The following RASGEF1C variants were observed in gnomAD, a reference collection of about 807,000 sequenced individuals.
RASGEF1C encodes the protein RasGEF domain family member 1C.
RASGEF1C carries 27 observed loss-of-function variants against 58.1 expected under a neutral mutation model. That is an observed-to-expected ratio of 0.46 (90% confidence interval 0.34 to 0.64). The LOEUF is 0.64. RASGEF1C is among the 30% of genes least tolerant of loss of function. RASGEF1C has a pLI of 0.01. For missense variants in RASGEF1C, 502 were observed against 605.1 expected (o/e 0.83, Z 1.79); for synonymous variants, 243 against 246.3 (o/e 0.99, Z 0.13).
chr5:180,172,662 C>G (rs1377060858), intron 1 of RASGEF1C, among the ~76,000 whole-genome samples: 1 of 152,182 alleles, frequency 6.6e-6, no homozygotes, highest in African/African-American at 2.4e-5. Flanking sequence ...GGCTCCACCC[C>G]AGAGCTTCGG....
chr5:180,101,195 G>GT lies in RASGEF1C; in HGVS notation c.*305dup. The GT allele has an allele frequency of 2.2e-6, 1 of 454,768 alleles. No homozygotes were observed. 28.2% of individuals were successfully genotyped at this position (454,768 alleles called of 1,614,324 possible). Reference sequence around the variant, plus strand: ...TGCAGTGGTCCCACCCTCTGGGGCAGTGTTGTGTCCTTGCCGAGGATGGAC... The same window carrying GT: ...TGCAGTGGTCCCACCCTCTGGGGCAGTTGTTGTGTCCTTGCCGAGGATGGAC... On this transcript the variant is annotated 3_prime_UTR_variant, in exon 14 of 14. Transcript: ENST00000361132.
chr5:180,123,586 A>G (rs1019530957), intron 6 of RASGEF1C, among the ~76,000 whole-genome samples: 2 of 152,168 alleles, frequency 1.3e-5, no homozygotes, highest in Admixed American at 1.3e-4. Context: ...AAAGAAATCA[A>G]CCATCTTTCA....
intron 1 of RASGEF1C, among the ~76,000 whole-genome samples, chr5:180,170,786 G>A (rs957063322): frequency 6.6e-6 from 1 of 152,222 alleles, no homozygotes; most frequent in Non-Finnish European, 1.5e-5. Flanking sequence ...AGCCAAACAG[G>A]CTTCACAGGT....
chr5:180,159,935 G>A (rs1766912672), intron 1 of RASGEF1C, among the ~76,000 whole-genome samples: 1 of 152,202 alleles, frequency 6.6e-6, no homozygotes, highest in African/African-American at 2.4e-5. Flanking sequence ...GCCAACACGT[G>A]GGGGCAGGAA....
chr5:180,125,304 G>A lies in RASGEF1C; in HGVS notation c.714+2305C>T, dbSNP rs115773935. On this transcript the variant is annotated intron_variant, in intron 6 of 13. Transcript: ENST00000361132. ...CAACCATTCATGATGAGAATTCTGA[G>A]AAAACTAGGAAGGAACAGGATACTT... 2.1e-3 allele frequency among the ~76,000 whole-genome samples: 320 copies of A among 152,304 alleles called. 1 individual carries two copies. The highest frequency in any genetic ancestry group is 7.5e-3 in the African/African-American group (311 of 41,568).
In RASGEF1C at chr5:180,155,319, C is replaced by T. The variant is rs1766831947; in HGVS notation, c.-6-17261G>A. Among the ~76,000 whole-genome samples the T allele has an allele frequency of 6.6e-6, 1 of 152,186 alleles. No homozygotes were observed. The highest frequency in any genetic ancestry group is 1.5e-5 in the Non-Finnish European group (1 of 68,036). ...TGGAGCCTGGACACACATTTCATTTCCATTTGGGTCCCATGAAGGACTCCT... is the reference window on the plus strand; with the variant it reads ...TGGAGCCTGGACACACATTTCATTTTCATTTGGGTCCCATGAAGGACTCCT... On this transcript the variant is annotated intron_variant, in intron 1 of 13. Transcript: ENST00000361132. The surrounding 1 kb of genome is among the most constrained non-coding windows in gnomAD (Gnocchi z 5.2).
At chr5:180,132,627 C>T (rs1330950477) in intron 4 of RASGEF1C, among the ~76,000 whole-genome samples, 3 of 152,220 alleles carry the variant, frequency 2.0e-5, no homozygotes. Flanking sequence ...ACAGAGGGAG[C>T]CTCACAGGGC....
At chr5:180,109,986 A>AAACTCAT (rs1765931792) in intron 12 of RASGEF1C, among the ~76,000 whole-genome samples, 1 of 152,210 alleles carries the variant, frequency 6.6e-6, no homozygotes, top group African/African-American at 2.4e-5. Context: ...GTGTGTAAGG[A>AAACTCAT]TAAATCTGTG....
intron 1 of RASGEF1C, among the ~76,000 whole-genome samples, chr5:180,142,067 T>C (rs930673618): frequency 1.3e-5 from 2 of 152,188 alleles, no homozygotes; most frequent in African/African-American, 4.8e-5. Context: ...GCCTGAATGA[T>C]GCACGTGACA....
At chr5:180,172,518 TCCAGATGCTG>T (rs1216467934) in intron 1 of RASGEF1C, among the ~76,000 whole-genome samples, 1 of 152,060 alleles carries the variant, frequency 6.6e-6, no homozygotes, top group Non-Finnish European at 1.5e-5. Flanking sequence ...CACACTCCAC[TCCAGATGCTG>T]CCTGCCCGCC....
At chr5:180,106,453 G>C (rs1403113617) in intron 12 of RASGEF1C, among the ~76,000 whole-genome samples, 1 of 152,022 alleles carries the variant, frequency 6.6e-6, no homozygotes, top group African/African-American at 2.4e-5. Context: ...TCCTGCTTTA[G>C]CTGTCCTACA....
At chr5:180,138,323 G>T (rs1188634040) in intron 1 of RASGEF1C, 11 of 356,634 alleles carry the variant, frequency 3.1e-5, no homozygotes, top group Non-Finnish European at 5.0e-5. Flanking sequence ...CCACTCAGGG[G>T]CAGGCCTCTT....
At chr5:180,182,383 C>T (rs7712639) in intron 1 of RASGEF1C, among the ~76,000 whole-genome samples, 152,036 of 152,132 alleles carry the variant, frequency 1, 75,970 homozygotes, top group Middle Eastern at 1. Flanking sequence ...TTAAAGGTGG[C>T]GCGGACCCAA....
At chr5:180,128,376 T>C in intron 5 of RASGEF1C, 34 bp downstream of exon 5, 1 of 1,585,118 alleles carries the variant, frequency 6.3e-7, no homozygotes. Context: ...TCCTGCTGAA[T>C]CCCGGGTGAG....
intron 1 of RASGEF1C, among the ~76,000 whole-genome samples, chr5:180,145,716 C>G (rs971465942): frequency 6.6e-6 from 1 of 152,090 alleles, no homozygotes; most frequent in Non-Finnish European, 1.5e-5. Flanking sequence ...GTAATTACCC[C>G]ACCCCTGAGA....
intron 3 of RASGEF1C, 123 bp from the exon 4 acceptor site, chr5:180,136,638 G>C: frequency 9.6e-7 from 1 of 1,046,546 alleles, no homozygotes; most frequent in East Asian, 2.7e-5. Flanking sequence ...CTCTGTGCCA[G>C]GGAGGAGGAG....
chr5:180,152,625 A>G (rs1460423773), intron 1 of RASGEF1C, among the ~76,000 whole-genome samples: 2 of 150,556 alleles, frequency 1.3e-5, no homozygotes, highest in African/African-American at 2.5e-5. Context: ...ATGACGAGTT[A>G]ATGGGTGCAG....
chr5:180,123,011 CA>C (rs993366524), intron 6 of RASGEF1C, among the ~76,000 whole-genome samples: 1 of 151,912 alleles, frequency 6.6e-6, no homozygotes, highest in Admixed American at 6.6e-5. Flanking sequence ...ACACTCCAAA[CA>C]CAAGGATATA....
At chr5:180,105,288 C>T (rs937729148) in intron 12 of RASGEF1C, among the ~76,000 whole-genome samples, 16 of 152,142 alleles carry the variant, frequency 1.1e-4, no homozygotes, top group Admixed American at 5.2e-4. Context: ...CTTTGCCAGG[C>T]GCGGTGGCTC....
Sources: allele counts gnomAD v4.1 joint callset (sites outside exome capture counted in the v4.1 genomes callset), GRCh38; gene constraint gnomAD v4.1.1; non-coding constraint Gnocchi (gnomAD v3.1); transcripts MANE v1.5; gene names NCBI Gene and HGNC (gene_info 2026-07-23, HGNC 2026-07-21).